The following FOXK2 variants were observed in gnomAD, a reference collection of about 807,000 sequenced individuals.
FOXK2 encodes the protein forkhead box protein K2.
FOXK2 carries 24 observed loss-of-function variants against 53.3 expected under a neutral mutation model. That is an observed-to-expected ratio of 0.45 (90% confidence interval 0.33 to 0.63). FOXK2 has a LOEUF of 0.63. Among genes scored for constraint, FOXK2 ranks in the 30% least tolerant of loss-of-function variants. The pLI is 0.03. For synonymous variants in FOXK2, 505 were observed against 407.1 expected (o/e 1.24, Z -2.89); for missense variants, 952 against 910.5 (o/e 1.05, Z -0.59).
chr17:82,555,421 C>T (rs2044713921), intron 1 of FOXK2, among the ~76,000 whole-genome samples: 1 of 152,184 alleles, frequency 6.6e-6, no homozygotes, highest in Non-Finnish European at 1.5e-5. Context: ...AATTATTCCA[C>T]AGTTTTTAAT....
chr17:82,527,243 C>G (rs55707246), intron 1 of FOXK2, among the ~76,000 whole-genome samples: 1 of 152,054 alleles, frequency 6.6e-6, no homozygotes, highest in Non-Finnish European at 1.5e-5. Flanking sequence ...TGGGTTCAAG[C>G]GATTCTCCTG....
In FOXK2 at chr17:82,587,046, T is replaced by C; in HGVS notation, c.1577-17T>C. Reference sequence around the variant, plus strand: ...TTTCCAGTAATATTAATGTCGTTTCTTTTCCTTTAATTTCAGTGAAAGTAG... The same window carrying C: ...TTTCCAGTAATATTAATGTCGTTTCCTTTCCTTTAATTTCAGTGAAAGTAG... On this transcript the variant is annotated splice_polypyrimidine_tract_variant and intron_variant, in intron 7 of 8. Transcript: ENST00000335255. The C allele has an allele frequency of 6.2e-7, 1 of 1,609,792 alleles. No homozygotes were observed. The highest frequency in any genetic ancestry group is 8.5e-7 in the Non-Finnish European group (1 of 1,177,510).
chr17:82,570,086 T>A (rs534317914), intron 3 of FOXK2, among the ~76,000 whole-genome samples: 2 of 147,654 alleles, frequency 1.4e-5, no homozygotes, highest in Admixed American at 1.3e-4. Context: ...GCTGGGCGTG[T>A]TGGCAGGCGC....
chr17:82,564,876 A>G (rs1371382069), intron 2 of FOXK2, among the ~76,000 whole-genome samples: 1 of 151,848 alleles, frequency 6.6e-6, no homozygotes, highest in Non-Finnish European at 1.5e-5. Flanking sequence ...GATTACAGGC[A>G]TGCACCACCA....
chr17:82,533,461 G>A (rs1043843273), intron 1 of FOXK2, among the ~76,000 whole-genome samples: 5 of 151,732 alleles, frequency 3.3e-5, no homozygotes, highest in African/African-American at 9.7e-5. Flanking sequence ...CTGCACTCCA[G>A]CCTGGGTGAT....
At chr17:82,587,355 T>G (rs762810384) in intron 8 of FOXK2, 83 bp downstream of exon 8, 2 of 1,078,650 alleles carry the variant, frequency 1.9e-6, no homozygotes, top group Admixed American at 3.7e-5. Flanking sequence ...CGGTTCTGAC[T>G]GTAACAATTT....
rs2044771011 is a variant in FOXK2 at position 82,559,575 on chromosome 17, C to G, written c.420-3779C>G. 31 of 435,198 alleles carry G rather than the reference C, an allele frequency of 7.1e-5. 1 individual carries two copies. Among genetic ancestry groups the G allele is most frequent in the South Asian group, 4.8e-4 (30 of 62,290 alleles). 27.0% of individuals were successfully genotyped at this position (435,198 alleles called of 1,614,324 possible). A position where few individuals can be genotyped will look rare whatever the true frequency, so the allele number is the denominator to read the frequency against. On this transcript the variant is annotated intron_variant, in intron 1 of 8. Transcript: ENST00000335255. ...GACTCAGGAGATGATGGGTGGGAGTCTAGGGTGGCTTTCAGATCCTGCTGG... is the reference window on the plus strand; with the variant it reads ...GACTCAGGAGATGATGGGTGGGAGTGTAGGGTGGCTTTCAGATCCTGCTGG...
intron 1 of FOXK2, among the ~76,000 whole-genome samples, chr17:82,556,504 A>C (rs981825969): frequency 7.3e-5 from 11 of 150,906 alleles, no homozygotes; most frequent in African/African-American, 2.7e-4. Context: ...TCCATGGCTC[A>C]TCAACGTGGA....
intron 1 of FOXK2, among the ~76,000 whole-genome samples, chr17:82,531,156 T>G (rs1214269069): frequency 6.6e-6 from 1 of 152,170 alleles, no homozygotes; most frequent in Non-Finnish European, 1.5e-5. Context: ...GATTCATCTT[T>G]ACATTGTACA....
chr17:82,590,506 A>AT (rs1332096470), intron 8 of FOXK2, among the ~76,000 whole-genome samples: 3 of 152,020 alleles, frequency 2.0e-5, no homozygotes, highest in Non-Finnish European at 2.9e-5. Flanking sequence ...CTTTGAAGAA[A>AT]TTTTTTTTAA....
At chr17:82,546,305 C>T (rs982668151) in intron 1 of FOXK2, among the ~76,000 whole-genome samples, 1 of 151,826 alleles carries the variant, frequency 6.6e-6, no homozygotes, top group Non-Finnish European at 1.5e-5. Flanking sequence ...TTGGTAGAGA[C>T]GGGATTTCGC....
In FOXK2 at chr17:82,535,137, C is replaced by T. The variant is rs541082214; in HGVS notation, c.419+14830C>T. 2.0e-5 allele frequency among the ~76,000 whole-genome samples: 3 copies of T among 152,358 alleles called. No homozygotes were observed. The East Asian group carries it at 5.8e-4, about 29-fold the overall frequency. The stretch of plus-strand genomic sequence containing the variant: ...TCAGCTTATCCACCTGCCTCAGCCT[C>T]CTAAAGTGCTGGGATTACAGGTGTA... On this transcript the variant is annotated intron_variant, in intron 1 of 8. Transcript: ENST00000335255.
At chr17:82,586,703 A>G (rs1190728768) in intron 7 of FOXK2, among the ~76,000 whole-genome samples, 1 of 152,020 alleles carries the variant, frequency 6.6e-6, no homozygotes, top group African/African-American at 2.4e-5. Flanking sequence ...GGAGTTGGAG[A>G]CCAGCCTGAC....
At chr17:82,555,000 C>T (rs2044710484) in intron 1 of FOXK2, among the ~76,000 whole-genome samples, 3 of 152,142 alleles carry the variant, frequency 2.0e-5, no homozygotes, top group South Asian at 2.1e-4. Flanking sequence ...CTGCCCGCCT[C>T]GGCCTCCCAA....
chr17:82,530,516 T>G (rs556878053), intron 1 of FOXK2, among the ~76,000 whole-genome samples: 170 of 148,750 alleles, frequency 1.1e-3, no homozygotes, highest in African/African-American at 4.0e-3. Context: ...ATGTGTTTTT[T>G]TTTTTTTTTT....
At chr17:82,568,765 T>G (rs1255176681) in intron 3 of FOXK2, among the ~76,000 whole-genome samples, 1 of 152,192 alleles carries the variant, frequency 6.6e-6, no homozygotes, top group African/African-American at 2.4e-5. Flanking sequence ...ATCCCAGCAC[T>G]TTGGGAGGCC....
chr17:82,581,294 A>G (rs2045056167), intron 4 of FOXK2, among the ~76,000 whole-genome samples: 1 of 152,130 alleles, frequency 6.6e-6, no homozygotes, highest in Non-Finnish European at 1.5e-5. Context: ...GGTGTCTGTC[A>G]ACTCTTAGCT....
chr17:82,547,076 C>CAAAA (rs57383328), intron 1 of FOXK2, among the ~76,000 whole-genome samples: 1 of 112,276 alleles, frequency 8.9e-6, no homozygotes, highest in Non-Finnish European at 1.9e-5. Context: ...AAAACTCCAT[C>CAAAA]AAAAAAAAAA....
intron 4 of FOXK2, among the ~76,000 whole-genome samples, chr17:82,574,599 C>T (rs1233634746): frequency 2.0e-5 from 3 of 151,626 alleles, no homozygotes; most frequent in Admixed American, 6.5e-5. Flanking sequence ...GGATTACAGG[C>T]GTGAGCCACC....
Sources: allele counts gnomAD v4.1 joint callset (sites outside exome capture counted in the v4.1 genomes callset), GRCh38; gene constraint gnomAD v4.1.1; transcripts MANE v1.5; gene names NCBI Gene and HGNC (gene_info 2026-07-23, HGNC 2026-07-21).